Variants in ACSL6 observed in about 807,000 individuals in gnomAD.
ACSL6 encodes the protein acyl-CoA synthetase long chain family member 6, also known as long-chain-fatty-acid--CoA ligase 6.
Under a neutral mutation model 98.2 loss-of-function variants are expected in ACSL6, and 47 were observed. The observed-to-expected ratio is 0.48, with a 90% CI of 0.38 to 0.61. The LOEUF (loss-of-function observed/expected upper bound fraction) is 0.61. Among genes scored for constraint, ACSL6 ranks in the 20% least tolerant of loss-of-function variants. The pLI, the probability that ACSL6 is intolerant of heterozygous loss-of-function variation, is 0.00. For synonymous variants in ACSL6, 362 were observed against 336.9 expected (o/e 1.07, Z -0.82); for missense variants, 761 against 913.4 (o/e 0.83, Z 2.15).
At chr5:132,002,083 C>T (rs1755116321) in intron 1 of ACSL6, among the ~76,000 whole-genome samples, 1 of 152,152 alleles carries the variant, frequency 6.6e-6, no homozygotes, top group Non-Finnish European at 1.5e-5. Flanking sequence ...ATAACCAGGA[C>T]TGATGGTGTG....
At chr5:131,991,075 A>T in intron 2 of ACSL6, 108 bp from the exon 3 acceptor site, 1 of 881,390 alleles carries the variant, frequency 1.1e-6, no homozygotes, top group Non-Finnish European at 1.8e-6. Flanking sequence ...CAACCCGTGC[A>T]TGCAGTTAGC....
At chr5:131,985,640 G>GGAAAAA (rs1754138705) in intron 8 of ACSL6, among the ~76,000 whole-genome samples, 182 bp from the exon 9 acceptor site, 1 of 152,172 alleles carries the variant, frequency 6.6e-6, no homozygotes. Context: ...TGAGCGCTCA[G>GGAAAAA]GAAAAAGAAA....
intron 1 of ACSL6, among the ~76,000 whole-genome samples, chr5:132,001,358 A>G (rs1381071899): frequency 6.6e-6 from 1 of 152,122 alleles, no homozygotes; most frequent in Non-Finnish European, 1.5e-5. Flanking sequence ...CACTTGCCCA[A>G]CACCTGCCCT....
intron 20 of ACSL6, among the ~76,000 whole-genome samples, chr5:131,955,487 TA>T (rs1241907005): frequency 6.6e-6 from 1 of 152,178 alleles, no homozygotes; most frequent in Admixed American, 6.5e-5. Flanking sequence ...GAGACGTTTT[TA>T]AACCATAGTG....
chr5:131,990,833 C>A lies in ACSL6; in HGVS notation c.385+20G>T, dbSNP rs767887501. 3.1e-6 allele frequency: 5 copies of A among 1,610,620 alleles called. No homozygotes were observed. The highest frequency in any genetic ancestry group is 4.2e-6 in the Non-Finnish European group (5 of 1,177,246). On this transcript the variant is annotated intron_variant, in intron 3 of 20. Coordinates refer to ENST00000651883, the MANE Select transcript of ACSL6 (RefSeq NM_001009185.3). ...CCTGCCACACAGCCCCTCCACACCCCCCCCCACAACCCTTCTCACCTGAGA... is the reference window on the plus strand; with the variant it reads ...CCTGCCACACAGCCCCTCCACACCCACCCCCACAACCCTTCTCACCTGAGA...
At chr5:131,971,407 T>TC in intron 14 of ACSL6, 143 bp downstream of exon 14, 1 of 602,566 alleles carries the variant, frequency 1.7e-6, no homozygotes, top group African/African-American at 1.9e-5. Flanking sequence ...TGGCTCTGAG[T>TC]TTTTTCCTCC....
intron 1 of ACSL6, among the ~76,000 whole-genome samples, chr5:131,998,507 T>G (rs746408304): frequency 1.6e-4 from 25 of 152,204 alleles, no homozygotes; most frequent in Non-Finnish European, 3.1e-4. Context: ...GGGAAATATG[T>G]TGGCTCCAAT....
chr5:131,981,350 A>G (rs571507391), intron 9 of ACSL6, among the ~76,000 whole-genome samples: 2 of 151,396 alleles, frequency 1.3e-5, no homozygotes, highest in East Asian at 3.9e-4. Flanking sequence ...AAAAAACACA[A>G]CTTTCTCCTC....
chr5:131,960,556 T>A lies in ACSL6; in HGVS notation c.1923A>T (p.Gly641=). 6.2e-7 allele frequency: 1 copy of A among 1,614,034 alleles called. No individual in the cohort carries two copies. Among genetic ancestry groups the A allele is most frequent in the Non-Finnish European group, 8.5e-7 (1 of 1,179,984 alleles). Residue 641 remains glycine, a synonymous_variant, in exon 19 of 21, where the codon GGA becomes GGT. Coordinates refer to ENST00000651883, the MANE Select transcript of ACSL6 (RefSeq NM_001009185.3). ...EVMPSWAQKR[G]IEGTYADLCT... is the part of the protein sequence containing the mutation. ...AGAGATCTGCATATGTTCCTTCAATTCCTCTCTTCTGGGCCCAGGAGGGCA... is the reference window on the plus strand; with the variant it reads ...AGAGATCTGCATATGTTCCTTCAATACCTCTCTTCTGGGCCCAGGAGGGCA...
chr5:131,974,609 G>A, intron 11 of ACSL6: 2 of 848,792 alleles, frequency 2.4e-6, no homozygotes, highest in Non-Finnish European at 1.8e-6. Context: ...CAAGTGGGGT[G>A]GCTAAAGTCC....
chr5:131,988,563 G>GT (rs398072608), intron 6 of ACSL6: 25 of 1,612,650 alleles, frequency 1.6e-5, no homozygotes, highest in Non-Finnish European at 2.0e-5. Context: ...TACCCTGTGT[G>GT]GAGGCTGTTG....
At chr5:131,972,481 G>C (rs1237665127) in intron 13 of ACSL6, among the ~76,000 whole-genome samples, 1 of 152,194 alleles carries the variant, frequency 6.6e-6, no homozygotes, top group African/African-American at 2.4e-5. Flanking sequence ...TGCCTGTGGA[G>C]ATCAAGGGAC....
intron 1 of ACSL6, among the ~76,000 whole-genome samples, chr5:132,005,253 A>G (rs1755340116): frequency 1.3e-5 from 2 of 152,362 alleles, no homozygotes; most frequent in South Asian, 4.1e-4. Flanking sequence ...TGAACACTGA[A>G]GTTCTCCAGC....
chr5:131,954,486 T>C (rs1312576853), intron 20 of ACSL6, 115 bp from the exon 21 acceptor site: 4 of 1,103,570 alleles, frequency 3.6e-6, no homozygotes, highest in Non-Finnish European at 4.9e-6. Flanking sequence ...ACAGACATTA[T>C]GCTAAGTCAA....
At chr5:131,993,029 C>T (rs771614545) in intron 2 of ACSL6, 1 of 152,510 alleles carries the variant, frequency 6.6e-6, no homozygotes. Flanking sequence ...CTGCCAGACA[C>T]CAAAGGCCAT....
rs899030205 is a variant in ACSL6 at position 131,978,090 on chromosome 5, C to T, written c.917-1369G>A. Reference sequence around the variant, plus strand: ...GATGAAGAAGACTGTGGTTGTAAAACGAAAAGAAACCAAATTAATCCCAGG... The same window carrying T: ...GATGAAGAAGACTGTGGTTGTAAAATGAAAAGAAACCAAATTAATCCCAGG... On this transcript the variant is annotated intron_variant, in intron 9 of 20. Transcript: ENST00000651883. Among the ~76,000 whole-genome samples, 3 of 152,192 alleles carry T rather than the reference C, an allele frequency of 2.0e-5. No individual in the cohort carries two copies. In the East Asian group the frequency reaches 5.8e-4, roughly 29 times the overall value.
intron 10 of ACSL6, chr5:131,975,996 G>T (rs1753593510): frequency 1.0e-6 from 1 of 985,460 alleles, no homozygotes; most frequent in African/African-American, 1.7e-5. Context: ...CATGAATGTG[G>T]AGTGTGACTT....
intron 3 of ACSL6, 111 bp downstream of exon 3, chr5:131,990,741 TG>T: frequency 2.1e-6 from 2 of 948,814 alleles, no homozygotes; most frequent in East Asian, 2.5e-5. Context: ...CCACTGAACC[TG>T]GGGATAGCTC....
At position 131,979,445 on chromosome 5, in the gene ACSL6, A is replaced by G. The variant is rs1309413602; in HGVS notation, c.917-2724T>C. Among the ~76,000 whole-genome samples, 3 of 152,222 alleles carry G rather than the reference A, an allele frequency of 2.0e-5. No homozygotes were observed. In the East Asian group the frequency reaches 5.8e-4, roughly 29 times the overall value. The stretch of plus-strand genomic sequence containing the variant: ...GTCTTCATTGATAAAAAAAAATTCT[A>G]AAGCCGCCATTCAGTTCAAGCCAAA... On this transcript the variant is annotated intron_variant, in intron 9 of 20. Coordinates refer to ENST00000651883, the MANE Select transcript of ACSL6 (RefSeq NM_001009185.3).
Sources: gnomAD v4.1 joint callset for allele counts (sites outside exome capture counted in the v4.1 genomes callset) on GRCh38, gnomAD v4.1.1 for gene constraint, MANE v1.5 for transcripts, NCBI Gene and HGNC (gene_info 2026-07-23, HGNC 2026-07-21) for gene names.